TOP6BL: variants seen among roughly 807,000 people sequenced by gnomAD.
TOP6BL encodes the protein type 2 DNA topoisomerase 6 subunit B-like.
chr11:66,821,637 C>T, the TOP6BL span: 3 of 1,599,442 alleles, frequency 1.9e-6, no homozygotes, highest in Non-Finnish European at 2.6e-6. Context: ...TTCTCCCTCC[C>T]CTTAGGAGTC....
the TOP6BL span, among the ~76,000 whole-genome samples, chr11:66,753,022 C>T: frequency 6.6e-6 from 1 of 151,692 alleles, no homozygotes; most frequent in Non-Finnish European, 1.5e-5. Flanking sequence ...CTAGCTACTC[C>T]AGAGGCTGAG....
the TOP6BL span, among the ~76,000 whole-genome samples, chr11:66,819,671 G>A: frequency 4.6e-5 from 7 of 152,062 alleles, no homozygotes; most frequent in African/African-American, 1.7e-4. Context: ...GGAGGCCGAG[G>A]CGGGCGGATC....
chr11:66,758,588 G>A, the TOP6BL span: 149,999 of 152,534 alleles, frequency 0.98, 73,804 homozygotes, highest in East Asian at 1. Flanking sequence ...TGCTGGGATT[G>A]CAGGCGTGAG....
At chr11:66,769,222 A>G in the TOP6BL span, among the ~76,000 whole-genome samples, 22 of 152,342 alleles carry the variant, frequency 1.4e-4, no homozygotes, top group African/African-American at 5.3e-4. Flanking sequence ...ATGACATCAC[A>G]TAGAAAAATT....
At chr11:66,805,025 G>A in the TOP6BL span, among the ~76,000 whole-genome samples, 1 of 151,594 alleles carries the variant, frequency 6.6e-6, no homozygotes, top group Non-Finnish European at 1.5e-5. Context: ...CGAGATCGCA[G>A]CCACTGCACT....
At chr11:66,812,419 G>C in the TOP6BL span, among the ~76,000 whole-genome samples, 1 of 151,958 alleles carries the variant, frequency 6.6e-6, no homozygotes, top group African/African-American at 2.4e-5. Flanking sequence ...CTCATGATCC[G>C]CCCACCTCAG....
At chr11:66,819,672 C>T in the TOP6BL span, among the ~76,000 whole-genome samples, 17 of 151,966 alleles carry the variant, frequency 1.1e-4, no homozygotes, top group Admixed American at 5.2e-4. Context: ...GAGGCCGAGG[C>T]GGGCGGATCA....
the TOP6BL span, among the ~76,000 whole-genome samples, chr11:66,753,203 ATG>A: frequency 6.6e-6 from 1 of 152,134 alleles, no homozygotes; most frequent in African/African-American, 2.4e-5. Context: ...AGTCAGATGA[ATG>A]TGTGTGTATG....
the TOP6BL span, among the ~76,000 whole-genome samples, chr11:66,837,251 C>T: frequency 7.3e-5 from 11 of 151,156 alleles, no homozygotes; most frequent in Non-Finnish European, 1.2e-4. Flanking sequence ...CTCAGCCTAC[C>T]GCATAGCTGG....
chr11:66,807,211 A>T, the TOP6BL span, among the ~76,000 whole-genome samples: 1 of 152,342 alleles, frequency 6.6e-6, no homozygotes, highest in Non-Finnish European at 1.5e-5. Flanking sequence ...ACTTTCTGAA[A>T]GTGGCAAACT....
the TOP6BL span, chr11:66,843,164 C>T: frequency 6.2e-7 from 1 of 1,611,230 alleles, no homozygotes; most frequent in East Asian, 2.2e-5. Flanking sequence ...CCCTTGTTCC[C>T]GCAGGACGTG....
At chr11:66,767,529 A>G in the TOP6BL span, among the ~76,000 whole-genome samples, 1 of 152,152 alleles carries the variant, frequency 6.6e-6, no homozygotes, top group Non-Finnish European at 1.5e-5. Flanking sequence ...TCTTTTTAAA[A>G]TAGCTTCTCA....
chr11:66,774,611 G>A, the TOP6BL span, among the ~76,000 whole-genome samples: 3 of 151,710 alleles, frequency 2.0e-5, no homozygotes, highest in Admixed American at 1.3e-4. Context: ...CCGCCACCAC[G>A]CCTGGCTAAT....
At chr11:66,825,315 C>CT in the TOP6BL span, among the ~76,000 whole-genome samples, 2 of 147,088 alleles carry the variant, frequency 1.4e-5, no homozygotes, top group East Asian at 4.0e-4. Flanking sequence ...TCTGTCACTA[C>CT]TAAAAAAAAA....
the TOP6BL span, among the ~76,000 whole-genome samples, chr11:66,802,453 CA>C: frequency 6.6e-6 from 1 of 152,014 alleles, no homozygotes; most frequent in Non-Finnish European, 1.5e-5. Flanking sequence ...GCGCCCAGCC[CA>C]TATACTGCTA....
At chr11:66,749,048 TTG>T in the TOP6BL span, among the ~76,000 whole-genome samples, 1,642 of 151,150 alleles carry the variant, frequency 0.011, 36 homozygotes, top group African/African-American at 0.037. Flanking sequence ...TGTTAGCTTT[TTG>T]TGTGTGTGTG....
chr11:66,834,239 T>C, the TOP6BL span, among the ~76,000 whole-genome samples: 1 of 152,204 alleles, frequency 6.6e-6, no homozygotes, highest in Admixed American at 6.5e-5. Flanking sequence ...TCACAGTCAG[T>C]AAATAGCAAG....
At chr11:66,783,130 G>A in the TOP6BL span, among the ~76,000 whole-genome samples, 37 of 152,248 alleles carry the variant, frequency 2.4e-4, no homozygotes, top group East Asian at 3.3e-3. Flanking sequence ...AAGATCTCTC[G>A]AGACCAGCCT....
the TOP6BL span, among the ~76,000 whole-genome samples, chr11:66,790,259 A>G: frequency 1.3e-5 from 2 of 151,558 alleles, no homozygotes; most frequent in Non-Finnish European, 2.9e-5. Context: ...ATAGAGTGAG[A>G]CTCTGCCTCA....
Sources: allele counts gnomAD v4.1 joint callset (sites outside exome capture counted in the v4.1 genomes callset), GRCh38; gene constraint gnomAD v4.1.1; transcripts MANE v1.5; gene names NCBI Gene and HGNC (gene_info 2026-07-23, HGNC 2026-07-21).